The following KIF1A variants were observed in gnomAD, a reference collection of about 807,000 sequenced individuals.
The protein encoded by KIF1A is kinesin-like protein KIF1A.
In KIF1A, 46 loss-of-function variants were observed where a neutral mutation model predicts 227.3. The ratio of observed to expected loss-of-function variants is 0.20; its 90% confidence interval spans 0.16 to 0.26. KIF1A has a LOEUF of 0.26. Among genes scored for constraint, KIF1A ranks in the 10% least tolerant of loss-of-function variants. The pLI, the probability that KIF1A is intolerant of heterozygous loss-of-function variation, is 1.00. For missense variants in KIF1A, 1,683 were observed against 2,485.9 expected (o/e 0.68, Z 6.87); for synonymous variants, 1,022 against 1,012.8 (o/e 1.01, Z -0.17).
intron 28 of KIF1A, among the ~76,000 whole-genome samples, chr2:240,747,704 A>C (rs536054945): frequency 6.6e-6 from 1 of 152,296 alleles, no homozygotes; most frequent in East Asian, 1.9e-4. Context: ...AGAATCACAA[A>C]GTGCCTCTGC....
chr2:240,782,565 C>A (rs1439183108), intron 10 of KIF1A, 25 bp downstream of exon 10: 4 of 1,551,296 alleles, frequency 2.6e-6, no homozygotes, highest in African/African-American at 1.4e-5. Context: ...CCGCACCTGC[C>A]CCGGGGCTGA....
At chr2:240,723,314 C>G in intron 42 of KIF1A, 99 bp downstream of exon 42, 1 of 1,224,684 alleles carries the variant, frequency 8.2e-7, no homozygotes, top group South Asian at 1.6e-5. Flanking sequence ...GTGCTGCCCC[C>G]CAGTAGGCAC....
chr2:240,727,511 G>A (rs977429345), intron 38 of KIF1A, among the ~76,000 whole-genome samples: 1 of 152,230 alleles, frequency 6.6e-6, no homozygotes, highest in Non-Finnish European at 1.5e-5. Context: ...TCTGACAATG[G>A]ACTCACCCTT....
intron 23 of KIF1A, among the ~76,000 whole-genome samples, chr2:240,761,817 C>T (rs1467418578): frequency 6.6e-6 from 1 of 152,154 alleles, no homozygotes; most frequent in Non-Finnish European, 1.5e-5. Context: ...GGGGGAGCAA[C>T]ACCGTCAATG....
At chr2:240,820,862 G>A (rs1033654924), upstream of KIF1A, among the ~76,000 whole-genome samples, 6 of 152,050 alleles carry the variant, frequency 3.9e-5, no homozygotes, top group African/African-American at 1.4e-4. The surrounding 1 kb of genome is among the most constrained non-coding windows in gnomAD (Gnocchi z 6.2). Context: ...CGCGGCTCGT[G>A]GGGACCCCCC....
rs766207465 is a variant in KIF1A, at chr2:240,775,819, C to G, written c.958+32G>C. Reference sequence around the variant, plus strand: ...GGCACAGCCCAGGGTGGGATCAGAGCCCTGGGGACAGGCAAACCCACAAGT... The same window carrying G: ...GGCACAGCCCAGGGTGGGATCAGAGGCCTGGGGACAGGCAAACCCACAAGT... On this transcript the variant is annotated intron_variant, in intron 11 of 48. Coordinates refer to ENST00000498729, the MANE Select transcript of KIF1A (RefSeq NM_001244008.2). The surrounding 1 kb of genome is among the most constrained non-coding windows in gnomAD (Gnocchi z 5.5). 4.8e-6 allele frequency: 7 copies of G among 1,469,462 alleles called. No homozygotes were observed. The East Asian group carries it at 1.4e-4, about 28-fold the overall frequency. The allele number at this position is 1,469,462 out of a possible 1,614,324, so 91.0% of individuals were successfully genotyped here. A position where few individuals can be genotyped will look rare whatever the true frequency, so the allele number is the denominator to read the frequency against.
At position 240,743,928 on chromosome 2, in the gene KIF1A, C is replaced by T. The variant is rs1450951976; in HGVS notation, c.3584+14G>A. ...AGGACAGCAGCCCCGAACCCCCCGA[C>T]CCAGGGCGCTAACCTGAGCACGTCC... On this transcript the variant is annotated intron_variant, in intron 33 of 48. Coordinates refer to ENST00000498729, the MANE Select transcript of KIF1A (RefSeq NM_001244008.2). 4 of 1,579,474 alleles carry T rather than the reference C, an allele frequency of 2.5e-6. No homozygotes were observed. The highest frequency in any genetic ancestry group is 4.5e-5 in the East Asian group (2 of 44,662).
chr2:240,769,065 C>G (rs2051585694), intron 17 of KIF1A, 68 bp downstream of exon 17: 2 of 1,410,960 alleles, frequency 1.4e-6, no homozygotes, highest in East Asian at 2.4e-5. Flanking sequence ...TCTGGCTCTA[C>G]CTGAGACAGC....
At position 240,752,144 on chromosome 2, in the gene KIF1A, G is replaced by C. The variant is rs905003948; in HGVS notation, c.2859-1597C>G. ...GGTGGCTTTTTGGGCCCTCTCCCCA[G>C]CACAACGCCCCCTCTGAAGATGCCC... On this transcript the variant is annotated intron_variant, in intron 27 of 48. Coordinates refer to ENST00000498729, the MANE Select transcript of KIF1A (RefSeq NM_001244008.2). The surrounding 1 kb of genome is among the most constrained non-coding windows in gnomAD (Gnocchi z 6.4). Among the ~76,000 whole-genome samples, 6 of 152,006 alleles carry C rather than the reference G, an allele frequency of 3.9e-5. No individual in the cohort carries two copies. Among genetic ancestry groups the C allele is most frequent in the Non-Finnish European group, 7.4e-5 (5 of 67,970 alleles).
chr2:240,782,137 G>A (rs2054119205), intron 10 of KIF1A: 1 of 985,218 alleles, frequency 1.0e-6, no homozygotes, highest in African/African-American at 1.7e-5. Flanking sequence ...TTCACACGTG[G>A]CGCGCTCCGC....
chr2:240,737,539 T>C (rs1436411060), intron 37 of KIF1A: 1 of 82,980 alleles, frequency 1.2e-5, no homozygotes, highest in African/African-American at 4.8e-5. Context: ...AAAGTCATGA[T>C]AATAACAAGG....
chr2:240,737,211 A>G, intron 37 of KIF1A, 43 bp from the exon 38 acceptor site: 1 of 1,524,022 alleles, frequency 6.6e-7, no homozygotes, highest in Non-Finnish European at 9.1e-7. Context: ...CCCAGGGGGC[A>G]GGTGGGACCC....
rs1371448195 is a variant in KIF1A at position 240,717,464 on chromosome 2, C to A, written c.5334-58G>T. 2.6e-6 allele frequency: 4 copies of A among 1,526,582 alleles called. No individual in the cohort carries two copies. The East Asian group carries it at 9.0e-5, about 34-fold the overall frequency. The allele number at this position is 1,526,582 out of a possible 1,614,324, so 94.6% of individuals were successfully genotyped here. On this transcript the variant is annotated intron_variant, in intron 48 of 48. Coordinates refer to ENST00000498729, the MANE Select transcript of KIF1A (RefSeq NM_001244008.2). ...GGCCAGGAACACCTGCAGGCCATATCCACCGTGCCCTGCACAGGCAGGCAG... is the reference window on the plus strand; with the variant it reads ...GGCCAGGAACACCTGCAGGCCATATACACCGTGCCCTGCACAGGCAGGCAG...
In KIF1A at chr2:240,714,543, C is replaced by T. The variant is rs376744469; in HGVS notation, c.*2821G>A. On this transcript the variant is annotated 3_prime_UTR_variant, in exon 49 of 49. Transcript: ENST00000498729. ...TTCCAGATCTGTCTCACCTCCCCCA[C>T]TTAGCAGGAAGCAGCAGCCACCCTG... 3.9e-5 allele frequency: 6 copies of T among 152,430 alleles called. No individual in the cohort carries two copies. Among genetic ancestry groups the T allele is most frequent in the African/African-American group, 1.4e-4 (6 of 41,432 alleles). 9.4% of individuals were successfully genotyped at this position (152,430 alleles called of 1,614,324 possible).
At chr2:240,779,345 C>T (rs1241979554) in intron 10 of KIF1A, among the ~76,000 whole-genome samples, 2 of 145,162 alleles carry the variant, frequency 1.4e-5, no homozygotes, top group African/African-American at 5.6e-5. Flanking sequence ...CTCATAGTTC[C>T]ACACTCAGTT....
At chr2:240,743,867 A>G (rs1384911634) in intron 33 of KIF1A, 75 bp downstream of exon 33, 12 of 1,031,884 alleles carry the variant, frequency 1.2e-5, no homozygotes, top group Non-Finnish European at 1.6e-5. Context: ...TGCAGCCTCA[A>G]GACAGCTGGA....
At chr2:240,723,775 G>A (rs1259822441) in intron 41 of KIF1A, among the ~76,000 whole-genome samples, 200 bp downstream of exon 41, 1 of 152,186 alleles carries the variant, frequency 6.6e-6, no homozygotes, top group Non-Finnish European at 1.5e-5. Flanking sequence ...GCTGTGCCCT[G>A]GGAACCCAAG....
intron 2 of KIF1A, among the ~76,000 whole-genome samples, chr2:240,797,232 C>A (rs1419024800): frequency 1.3e-5 from 2 of 152,162 alleles, no homozygotes; most frequent in Non-Finnish European, 2.9e-5. Context: ...GGTGGGTGTC[C>A]TTATAAAAAA....
At position 240,793,569 on chromosome 2, in the gene KIF1A, G is replaced by A. The variant is rs925203605; in HGVS notation, c.106+4078C>T. Among the ~76,000 whole-genome samples the A allele has an allele frequency of 5.9e-5, 9 of 152,158 alleles. No individual in the cohort carries two copies. Among genetic ancestry groups the A allele is most frequent in the African/African-American group, 7.2e-5 (3 of 41,432 alleles). On this transcript the variant is annotated intron_variant, in intron 2 of 48. Coordinates refer to ENST00000498729, the MANE Select transcript of KIF1A (RefSeq NM_001244008.2). The surrounding 1 kb of genome is among the most constrained non-coding windows in gnomAD (Gnocchi z 4.8). ...GAATGTGAGGAGAGAGGAGGAGGAC[G>A]GAAGCACTCACACTCAACTTCTGCC...
Sources: allele counts gnomAD v4.1 joint callset (sites outside exome capture counted in the v4.1 genomes callset), GRCh38; gene constraint gnomAD v4.1.1; non-coding constraint Gnocchi (gnomAD v3.1); transcripts MANE v1.5; gene names NCBI Gene and HGNC (gene_info 2026-07-23, HGNC 2026-07-21).